Variants in SMCO4 observed in about 807,000 individuals in gnomAD.
SMCO4 encodes single-pass membrane and coiled-coil domain-containing protein 4.
In SMCO4, 4 loss-of-function variants were observed where a neutral mutation model predicts 3.6. The observed-to-expected ratio is 1.11, with a 90% CI of 0.54 to 2.53. The LOEUF (loss-of-function observed/expected upper bound fraction) is 2.53, where lower values mean the gene tolerates loss of function less well. Ranked by LOEUF, SMCO4 falls within the 30% of genes most tolerant of loss-of-function variation. The probability of loss-of-function intolerance (pLI) is 0.02; values close to 1 mark genes in which losing one functional copy is unlikely to be tolerated. For missense variants in SMCO4, 70 were observed against 80.8 expected, an observed-to-expected ratio of 0.87 and a Z score of 0.51; for synonymous variants, 36 against 35.3, an observed-to-expected ratio of 1.02 and a Z score of -0.07.
At chr11:93,518,172 G>GATAATTT (rs1318526615) in intron 1 of SMCO4, among the ~76,000 whole-genome samples, 2 of 152,128 alleles carry the variant, frequency 1.3e-5, no homozygotes, top group African/African-American at 4.8e-5. Flanking sequence ...ACCTATTCTG[G>GATAATTT]ATAATTTGTA....
At position 93,480,122 on chromosome 11, in the gene SMCO4, A is replaced by G. The variant is rs563908243; in HGVS notation, c.-80-853T>C. Among the ~76,000 whole-genome samples the G allele has an allele frequency of 1.3e-3, 200 of 152,384 alleles. 2 individuals are homozygous for G. Among genetic ancestry groups the G allele is most frequent in the Non-Finnish European group, 2.3e-3 (156 of 68,038 alleles). ...TATAAAAGTCGGCTTCTTAGCTTTA[A>G]GCAGATGAAGCAGACTTCAGCTGAT... On this transcript the variant is annotated intron_variant, in intron 2 of 2. Coordinates refer to ENST00000298966, the MANE Select transcript of SMCO4 (RefSeq NM_020179.3).
intron 1 of SMCO4, among the ~76,000 whole-genome samples, chr11:93,526,954 C>T (rs1269062564): frequency 6.6e-6 from 1 of 152,200 alleles, no homozygotes; most frequent in Non-Finnish European, 1.5e-5. Context: ...GCCCTTTCCA[C>T]TGCACTGCTG....
At chr11:93,509,802 G>T (rs76907208) in intron 1 of SMCO4, among the ~76,000 whole-genome samples, 2,492 of 152,204 alleles carry the variant, frequency 0.016, 78 homozygotes, top group African/African-American at 0.057. Flanking sequence ...CATAAGAGTG[G>T]ACTTTGGGGA....
At chr11:93,550,184 C>G in the SMCO4 span, among the ~76,000 whole-genome samples, 22 of 152,172 alleles carry the variant, frequency 1.4e-4, no homozygotes, top group Non-Finnish European at 7.3e-5. Context: ...ACCAGTGAAC[C>G]CTTTAAATTT....
rs1452024816 is a variant in SMCO4 at position 93,479,103 on chromosome 11, C to T, written c.87G>A (p.Gln29=). Residue 29 remains glutamine (Q), a synonymous_variant, in exon 3 of 3, where the codon CAG becomes CAA. Coordinates refer to ENST00000298966, the MANE Select transcript of SMCO4 (RefSeq NM_020179.3). The part of the protein sequence containing the change: ...RKQAMQEARQ[Q]ITTVVLPTLA... The stretch of plus-strand genomic sequence containing the variant: ...GCGTGGGCAGCACCACTGTAGTGAT[C>T]TGCTGCCGGGCCTCCTGCATGGCTT... 2.5e-6 allele frequency: 4 copies of T among 1,613,972 alleles called. No homozygotes were observed. Among genetic ancestry groups the T allele is most frequent in the Non-Finnish European group, 3.4e-6 (4 of 1,180,040 alleles).
At chr11:93,527,760 C>T (rs1565387408) in intron 1 of SMCO4, among the ~76,000 whole-genome samples, 1 of 152,084 alleles carries the variant, frequency 6.6e-6, no homozygotes, top group Admixed American at 6.5e-5. Flanking sequence ...CACAACCAGC[C>T]TAAAAAAGCA....
chr11:93,520,815 T>C (rs1001109763), intron 1 of SMCO4, among the ~76,000 whole-genome samples: 1 of 152,196 alleles, frequency 6.6e-6, no homozygotes, highest in Non-Finnish European at 1.5e-5. Flanking sequence ...CCAAGTCTCT[T>C]TGGGATTTCT....
At chr11:93,523,307 C>A (rs1222570275) in intron 1 of SMCO4, 1 of 152,098 alleles carries the variant, frequency 6.6e-6, no homozygotes, top group East Asian at 1.9e-4. Flanking sequence ...CAGAGTGAGA[C>A]CCTGTCTCAA....
chr11:93,482,277 C>A (rs976185277), intron 2 of SMCO4, among the ~76,000 whole-genome samples: 12 of 152,128 alleles, frequency 7.9e-5, no homozygotes, highest in African/African-American at 2.9e-4. Context: ...GGGAAGAGCA[C>A]CAGGCAGAGG....
In SMCO4 at chr11:93,481,443, G is replaced by A. The variant is rs372785193; in HGVS notation, c.-80-2174C>T. ...GAGTGATGCCCACCTTCGCGGGACCGTGGTGAGGATGGAGTAGGAAGCTGT... is the reference window on the plus strand; with the variant it reads ...GAGTGATGCCCACCTTCGCGGGACCATGGTGAGGATGGAGTAGGAAGCTGT... On this transcript the variant is annotated intron_variant, in intron 2 of 2. Transcript: ENST00000298966. 3.5e-5 allele frequency: 34 copies of A among 985,436 alleles called. No individual in the cohort carries two copies. The East Asian group carries it at 1.0e-3, about 30-fold the overall frequency. The allele number at this position is 985,436 out of a possible 1,614,324, so 61.0% of individuals were successfully genotyped here.
intron 1 of SMCO4, among the ~76,000 whole-genome samples, chr11:93,502,124 C>T (rs1948846433): frequency 6.6e-6 from 1 of 152,270 alleles, no homozygotes; most frequent in South Asian, 2.1e-4. Flanking sequence ...TACCCCTTCC[C>T]CACCCCATAC....
chr11:93,515,387 A>G (rs899375779), intron 1 of SMCO4, among the ~76,000 whole-genome samples: 1 of 152,134 alleles, frequency 6.6e-6, no homozygotes, highest in Non-Finnish European at 1.5e-5. Flanking sequence ...TTCCATGTTC[A>G]TTATTTTATT....
At chr11:93,525,532 C>T (rs1949098262) in intron 1 of SMCO4, among the ~76,000 whole-genome samples, 1 of 152,066 alleles carries the variant, frequency 6.6e-6, no homozygotes, top group South Asian at 2.1e-4. Context: ...ATTCCACTCC[C>T]CCCATTCCTA....
the SMCO4 span, among the ~76,000 whole-genome samples, chr11:93,551,591 T>C: frequency 6.6e-6 from 1 of 152,180 alleles, no homozygotes; most frequent in Non-Finnish European, 1.5e-5. Flanking sequence ...AGGTGAGTAT[T>C]TTACTCCAGG....
At chr11:93,517,869 A>AACTCTTGT (rs1949022238) in intron 1 of SMCO4, among the ~76,000 whole-genome samples, 1 of 152,230 alleles carries the variant, frequency 6.6e-6, no homozygotes, top group Non-Finnish European at 1.5e-5. Context: ...GCTAGACAGC[A>AACTCTTGT]ACTCTTGTAT....
chr11:93,493,661 G>A (rs1037109879), intron 2 of SMCO4, among the ~76,000 whole-genome samples: 4 of 152,168 alleles, frequency 2.6e-5, no homozygotes, highest in Admixed American at 2.6e-4. Context: ...GTTCCCCACT[G>A]TCAACAAAAC....
the SMCO4 span, among the ~76,000 whole-genome samples, chr11:93,548,748 G>A: frequency 6.6e-6 from 1 of 152,240 alleles, no homozygotes; most frequent in South Asian, 2.1e-4. Context: ...ACAAAGCAAG[G>A]AAAGAGTGAA....
At chr11:93,498,690 T>A (rs1948803520) in intron 2 of SMCO4, among the ~76,000 whole-genome samples, 1 of 152,186 alleles carries the variant, frequency 6.6e-6, no homozygotes, top group Non-Finnish European at 1.5e-5. Flanking sequence ...GATCAGGAAT[T>A]TCGGATGAAT....
intron 2 of SMCO4, among the ~76,000 whole-genome samples, chr11:93,499,058 TG>T (rs1948808619): frequency 6.6e-6 from 1 of 152,052 alleles, no homozygotes; most frequent in African/African-American, 2.4e-5. Context: ...GAAAGTGTCG[TG>T]GGGGTTCAAC....
Sources: allele counts gnomAD v4.1 joint callset (sites outside exome capture counted in the v4.1 genomes callset), GRCh38; gene constraint gnomAD v4.1.1; transcripts MANE v1.5; gene names NCBI Gene and HGNC (gene_info 2026-07-23, HGNC 2026-07-21).